The following CDH18 variants were observed in gnomAD, a reference collection of about 807,000 sequenced individuals.
The protein encoded by CDH18 is cadherin 18, also known as cadherin-18.
A neutral mutation model predicts 67.9 loss-of-function variants in CDH18; 31 were observed. The observed-to-expected ratio is 0.46, with a 90% CI of 0.34 to 0.62. The LOEUF (loss-of-function observed/expected upper bound fraction) is 0.62. CDH18 is among the 20% of genes least tolerant of loss of function. The pLI is 0.01. For missense variants in CDH18, 890 were observed against 975.5 expected, an observed-to-expected ratio of 0.91 and a Z score of 1.17; for synonymous variants, 362 against 347.2, an observed-to-expected ratio of 1.04 and a Z score of -0.48.
At chr5:19,505,871 T>C (rs868813218) in intron 10 of CDH18, among the ~76,000 whole-genome samples, 3 of 152,148 alleles carry the variant, frequency 2.0e-5, no homozygotes, top group Non-Finnish European at 4.4e-5. Context: ...TTCTATTGAT[T>C]GGAATAGTTT....
At chr5:20,391,167 G>T (rs1265541801) in intron 1 of CDH18, among the ~76,000 whole-genome samples, 6 of 151,738 alleles carry the variant, frequency 4.0e-5, no homozygotes, top group Non-Finnish European at 7.4e-5. Flanking sequence ...AAAGTTTGTG[G>T]CAAGAACTGC....
In CDH18 at chr5:20,134,698, C is replaced by T. The variant is rs555441548; in HGVS notation, c.-518+120746G>A. 5.3e-5 allele frequency among the ~76,000 whole-genome samples: 8 copies of T among 152,174 alleles called. No individual in the cohort carries two copies. In the South Asian group the frequency reaches 1.7e-3, roughly 32 times the overall value. On this transcript the variant is annotated intron_variant, in intron 2 of 14. Coordinates refer to the CDH18 transcript ENST00000507958. ...TATAGGTACACAAAGTTTAAAATACCTCTATTATCTTTGTGTTTTGTTTTG... is the reference window on the plus strand; with the variant it reads ...TATAGGTACACAAAGTTTAAAATACTTCTATTATCTTTGTGTTTTGTTTTG...
intron 2 of CDH18, among the ~76,000 whole-genome samples, chr5:20,138,656 C>T (rs1199397497): frequency 6.6e-6 from 1 of 152,106 alleles, no homozygotes; most frequent in Non-Finnish European, 1.5e-5. Flanking sequence ...CATAAACATT[C>T]CTATACACCA....
intron 1 of CDH18, among the ~76,000 whole-genome samples, chr5:20,501,547 T>C (rs1581116548): frequency 1.8e-5 from 1 of 55,240 alleles, no homozygotes; most frequent in Non-Finnish European, 3.1e-5. Context: ...ATATACATAT[T>C]ATATATATAA....
intron 2 of CDH18, among the ~76,000 whole-genome samples, chr5:20,087,351 A>G (rs528871422): frequency 4.5e-4 from 68 of 152,314 alleles, no homozygotes; most frequent in Non-Finnish European, 7.5e-4. Flanking sequence ...AAGACTTACC[A>G]TATTATATAA....
At chr5:20,067,235 A>G (rs913929668) in intron 2 of CDH18, among the ~76,000 whole-genome samples, 1 of 151,628 alleles carries the variant, frequency 6.6e-6, no homozygotes, top group Non-Finnish European at 1.5e-5. Flanking sequence ...ACCACTGTGG[A>G]TTCTGAGAGC....
chr5:19,856,584 T>C (rs1004405939), intron 2 of CDH18, among the ~76,000 whole-genome samples: 1 of 152,028 alleles, frequency 6.6e-6, no homozygotes, highest in Non-Finnish European at 1.5e-5. Context: ...TGTGAACGGG[T>C]TTAAAAATAA....
intron 3 of CDH18, among the ~76,000 whole-genome samples, chr5:19,747,740 T>G (rs1360814632): frequency 9.7e-6 from 1 of 103,502 alleles, no homozygotes; most frequent in Admixed American, 1.3e-4. Context: ...ATAGTCACAG[T>G]CATGTGTTTA....
intron 5 of CDH18, among the ~76,000 whole-genome samples, chr5:19,659,403 A>G (rs1756861538): frequency 6.6e-6 from 1 of 152,170 alleles, no homozygotes; most frequent in South Asian, 2.1e-4. Flanking sequence ...TGGATCTCAT[A>G]TTAAACAAAT....
At chr5:20,066,617 G>C (rs889530390) in intron 2 of CDH18, among the ~76,000 whole-genome samples, 3 of 151,826 alleles carry the variant, frequency 2.0e-5, no homozygotes, top group Admixed American at 2.0e-4. Context: ...ATCCAATTTT[G>C]TTTTCTTTTC....
At chr5:20,549,244 G>C (rs1757504673) in intron 1 of CDH18, among the ~76,000 whole-genome samples, 1 of 152,008 alleles carries the variant, frequency 6.6e-6, no homozygotes, top group African/African-American at 2.4e-5. Flanking sequence ...TTTATATGTG[G>C]TTTTATAAAT....
At chr5:20,092,579 G>A (rs533491648) in intron 2 of CDH18, among the ~76,000 whole-genome samples, 1 of 152,126 alleles carries the variant, frequency 6.6e-6, no homozygotes, top group South Asian at 2.1e-4. Context: ...TTTTCTCTTT[G>A]ATGACTGGTA....
At chr5:20,110,654 G>A (rs1747382894) in intron 2 of CDH18, among the ~76,000 whole-genome samples, 2 of 151,664 alleles carry the variant, frequency 1.3e-5, no homozygotes, top group African/African-American at 4.8e-5. Context: ...ACTGCACTCT[G>A]TCTCAAAAAA....
intron 4 of CDH18, among the ~76,000 whole-genome samples, chr5:19,722,345 C>T (rs1197473168): frequency 6.6e-6 from 1 of 151,776 alleles, no homozygotes; most frequent in Non-Finnish European, 1.5e-5. Flanking sequence ...TGAGCCACTG[C>T]GCACAGCCAA....
intron 2 of CDH18, among the ~76,000 whole-genome samples, chr5:19,879,114 T>C (rs1787346124): frequency 6.6e-6 from 1 of 152,034 alleles, no homozygotes; most frequent in African/African-American, 2.4e-5. Context: ...TTCTAAGCTT[T>C]CTTCAGCTAA....
At chr5:20,029,344 A>G (rs372835636) in intron 2 of CDH18, among the ~76,000 whole-genome samples, 1 of 152,310 alleles carries the variant, frequency 6.6e-6, no homozygotes, top group African/African-American at 2.4e-5. Flanking sequence ...GGTAAGAGAC[A>G]TTATAACTAT....
chr5:20,529,306 G>A (rs1033106514), intron 1 of CDH18, among the ~76,000 whole-genome samples: 2 of 151,412 alleles, frequency 1.3e-5, no homozygotes, highest in Non-Finnish European at 2.9e-5. Context: ...ATTTACAGCT[G>A]AATTCTACCA....
At chr5:19,621,641 T>C (rs930514232) in intron 5 of CDH18, among the ~76,000 whole-genome samples, 1 of 152,094 alleles carries the variant, frequency 6.6e-6, no homozygotes, top group East Asian at 1.9e-4. Flanking sequence ...GTGTCAAGAA[T>C]AGAATAAATG....
At chr5:19,851,446 A>T (rs912231315) in intron 2 of CDH18, among the ~76,000 whole-genome samples, 32 of 150,412 alleles carry the variant, frequency 2.1e-4, no homozygotes, top group Non-Finnish European at 4.0e-4. Context: ...AACCCAAAAA[A>T]CCCAAAATTC....
Sources: gnomAD v4.1 joint callset for allele counts (sites outside exome capture counted in the v4.1 genomes callset) on GRCh38, gnomAD v4.1.1 for gene constraint, MANE v1.5 for transcripts, NCBI Gene and HGNC (gene_info 2026-07-23, HGNC 2026-07-21) for gene names.